Variants in SPOPL observed in about 807,000 individuals in gnomAD.
The protein encoded by SPOPL is speckle-type POZ protein-like.
Under a neutral mutation model 53.8 loss-of-function variants are expected in SPOPL, and 23 were observed. The observed-to-expected ratio is 0.43, with a 90% CI of 0.31 to 0.61. The LOEUF is 0.61. Ranked by LOEUF, SPOPL falls within the 20% of genes least tolerant of loss-of-function variation. The pLI is 0.12. For missense variants in SPOPL, 442 were observed against 466.9 expected, an observed-to-expected ratio of 0.95 and a Z score of 0.49; for synonymous variants, 164 against 149.7, an observed-to-expected ratio of 1.10 and a Z score of -0.70.
Position 138,515,346 on chromosome 2 carries a change from G to C in SPOPL, c.-61+13227G>C, listed in dbSNP as rs183562251. ...TACTTGACCATCTACCCAGATTGCA[G>C]GTTGTGTTCATTCATTATTCTGTGG... is the stretch of plus-strand genomic sequence containing the variant. On this transcript the variant is annotated intron_variant, in intron 1 of 10. Transcript: ENST00000280098. Among the ~76,000 whole-genome samples, 272 of 152,278 alleles carry C rather than the reference G, an allele frequency of 1.8e-3. 1 individual carries two copies. Among genetic ancestry groups the C allele is most frequent in the Non-Finnish European group, 3.2e-3 (219 of 68,020 alleles).
At chr2:138,540,564 A>T (rs1018210980) in intron 1 of SPOPL, among the ~76,000 whole-genome samples, 5 of 152,156 alleles carry the variant, frequency 3.3e-5, no homozygotes, top group Non-Finnish European at 2.9e-5. Flanking sequence ...GGTGTATAAG[A>T]ATGCTTGTGA....
At chr2:138,530,194 A>G (rs1435280382) in intron 1 of SPOPL, among the ~76,000 whole-genome samples, 1 of 152,012 alleles carries the variant, frequency 6.6e-6, no homozygotes, top group Non-Finnish European at 1.5e-5. Flanking sequence ...GGTGTATGAC[A>G]TTTTTTTAAT....
intron 1 of SPOPL, among the ~76,000 whole-genome samples, chr2:138,531,228 TTTAG>T (rs951531511): frequency 6.6e-6 from 1 of 152,070 alleles, no homozygotes; most frequent in Non-Finnish European, 1.5e-5. Flanking sequence ...CTATTTTATT[TTTAG>T]TTATGCTGTC....
At chr2:138,538,252 A>G (rs991911205) in intron 1 of SPOPL, among the ~76,000 whole-genome samples, 5 of 152,098 alleles carry the variant, frequency 3.3e-5, no homozygotes, top group African/African-American at 7.2e-5. Flanking sequence ...CAAGTCTTCT[A>G]TCTCTTTATT....
intron 1 of SPOPL, among the ~76,000 whole-genome samples, chr2:138,519,080 C>G (rs115720142): frequency 6.6e-6 from 1 of 152,288 alleles, no homozygotes; most frequent in African/African-American, 2.4e-5. Context: ...ACCCAGAGAC[C>G]TTACACTGCT....
At position 138,569,398 on chromosome 2, in the gene SPOPL, G is replaced by A; in HGVS notation, c.*318G>A. 1 of 210,514 alleles carries A rather than the reference G, an allele frequency of 4.8e-6. No homozygotes were observed. Among genetic ancestry groups the A allele is most frequent in the Non-Finnish European group, 9.4e-6 (1 of 106,432 alleles). The allele number at this position is 210,514 out of a possible 1,614,324, so 13.0% of individuals were successfully genotyped here. On this transcript the variant is annotated 3_prime_UTR_variant, in exon 11 of 11. Transcript: ENST00000280098. ...AGGATTGCACTAGCTCCATAATGCA[G>A]TAATATTGATAACTGAAGATACTAA...
intron 5 of SPOPL, among the ~76,000 whole-genome samples, chr2:138,553,528 G>A (rs903536347): frequency 4.6e-5 from 7 of 152,128 alleles, no homozygotes; most frequent in African/African-American, 1.7e-4. Context: ...TATTTCAACA[G>A]ATTATCATGG....
At chr2:138,528,496 T>C (rs1242963566) in intron 1 of SPOPL, among the ~76,000 whole-genome samples, 1 of 152,238 alleles carries the variant, frequency 6.6e-6, no homozygotes, top group Non-Finnish European at 1.5e-5. Context: ...GTTTATTTTT[T>C]TGTAAAAATT....
chr2:138,541,926 G>C (rs1234044047), intron 1 of SPOPL, among the ~76,000 whole-genome samples: 1 of 151,922 alleles, frequency 6.6e-6, no homozygotes, highest in Non-Finnish European at 1.5e-5. Flanking sequence ...CAGAGATTCT[G>C]GTATGTTGTG....
rs1329222275 is a variant in SPOPL, at chr2:138,539,194, G to C, written c.-60-10963G>C. ...TTCCAAGTCTTTGCTATTGTGAATA[G>C]TGCTGCAATAAACATATGTGTGCAT... On this transcript the variant is annotated intron_variant, in intron 1 of 10. Coordinates refer to ENST00000280098, the MANE Select transcript of SPOPL (RefSeq NM_001001664.3). Among the ~76,000 whole-genome samples the C allele has an allele frequency of 4.6e-5, 7 of 152,102 alleles. 1 individual carries two copies. The East Asian group carries it at 9.6e-4, about 21-fold the overall frequency.
intron 5 of SPOPL, among the ~76,000 whole-genome samples, chr2:138,555,724 T>G (rs936201032): frequency 6.6e-6 from 1 of 152,172 alleles, no homozygotes; most frequent in Non-Finnish European, 1.5e-5. Context: ...GAGACCCAAA[T>G]TTTTCAGGAT....
At chr2:138,527,230 T>A (rs963183750) in intron 1 of SPOPL, among the ~76,000 whole-genome samples, 1 of 152,188 alleles carries the variant, frequency 6.6e-6, no homozygotes, top group Non-Finnish European at 1.5e-5. Flanking sequence ...TGGCAGTTGA[T>A]GAGGCCTGTC....
At chr2:138,546,750 C>T (rs1345352528) in intron 1 of SPOPL, among the ~76,000 whole-genome samples, 3 of 152,274 alleles carry the variant, frequency 2.0e-5, no homozygotes, top group Middle Eastern at 6.8e-3. Flanking sequence ...GCTTTCTAAA[C>T]GCTTTTCTCA....
chr2:138,535,613 G>T (rs1283596571), intron 1 of SPOPL, among the ~76,000 whole-genome samples: 2 of 122,402 alleles, frequency 1.6e-5, no homozygotes, highest in African/African-American at 3.3e-5. Context: ...ATGTGTTTGT[G>T]GGTTTCTTTG....
intron 1 of SPOPL, among the ~76,000 whole-genome samples, chr2:138,520,052 A>G (rs1203632171): frequency 6.6e-6 from 1 of 152,142 alleles, no homozygotes; most frequent in African/African-American, 2.4e-5. Context: ...GATAAGGTTA[A>G]ATTATCTGTC....
At chr2:138,505,611 A>AAT (rs1168347952) in intron 1 of SPOPL, among the ~76,000 whole-genome samples, 2 of 150,074 alleles carry the variant, frequency 1.3e-5, no homozygotes, top group African/African-American at 4.9e-5. Flanking sequence ...AAAAAAAAAA[A>AAT]AAAAAAAAAA....
intron 4 of SPOPL, 105 bp downstream of exon 4, chr2:138,551,159 C>T: frequency 7.9e-7 from 1 of 1,265,196 alleles, no homozygotes; most frequent in Non-Finnish European, 1.1e-6. Flanking sequence ...CTGCTAAAAT[C>T]TGCTTAACCT....
At chr2:138,558,357 C>T (rs1194509399) in intron 5 of SPOPL, among the ~76,000 whole-genome samples, 2 of 152,072 alleles carry the variant, frequency 1.3e-5, no homozygotes, top group South Asian at 4.2e-4. Context: ...GTCTGCAAAT[C>T]GAACTAAATT....
intron 1 of SPOPL, among the ~76,000 whole-genome samples, chr2:138,511,621 C>CAG (rs940307917): frequency 6.6e-6 from 1 of 152,086 alleles, no homozygotes; most frequent in Admixed American, 6.6e-5. Context: ...TTATGTACCG[C>CAG]AGAGAGAGAG....
Sources: allele counts gnomAD v4.1 joint callset (sites outside exome capture counted in the v4.1 genomes callset), GRCh38; gene constraint gnomAD v4.1.1; transcripts MANE v1.5; gene names NCBI Gene and HGNC (gene_info 2026-07-23, HGNC 2026-07-21).